EDIL3: variants seen among roughly 807,000 people sequenced by gnomAD.
EDIL3 encodes EGF-like repeat and discoidin I-like domain-containing protein 3.
EDIL3 carries 37 observed loss-of-function variants against 67.4 expected under a neutral mutation model. The observed-to-expected ratio is 0.55, with a 90% CI of 0.42 to 0.72. EDIL3 has a LOEUF of 0.72. Among genes scored for constraint, EDIL3 ranks in the 30% least tolerant of loss-of-function variants. The pLI is 0.00. For missense variants in EDIL3, 527 were observed against 586.3 expected (o/e 0.90, Z 1.04); for synonymous variants, 195 against 196.3 (o/e 0.99, Z 0.05).
chr5:84,093,242 A>G (rs997555316), intron 6 of EDIL3, among the ~76,000 whole-genome samples: 1 of 149,914 alleles, frequency 6.7e-6, no homozygotes, highest in African/African-American at 2.5e-5. Flanking sequence ...ACTGACATCT[A>G]TTTAACATAG....
At chr5:84,064,995 G>T (rs530960608) in intron 7 of EDIL3, 151 bp from the exon 8 acceptor site, 1 of 1,003,092 alleles carries the variant, frequency 1.0e-6, no homozygotes, top group Non-Finnish European at 1.4e-6. Flanking sequence ...GCCTTGCCAT[G>T]AGCACTGAAT....
intron 1 of EDIL3, among the ~76,000 whole-genome samples, chr5:84,381,731 T>A (rs305660): frequency 0.011 from 1,661 of 152,336 alleles, 35 homozygotes; most frequent in African/African-American, 0.038. Context: ...GCATAAGATG[T>A]CACGTGCTTG....
At chr5:84,274,670 T>C (rs182044995) in intron 1 of EDIL3, among the ~76,000 whole-genome samples, 10 of 152,182 alleles carry the variant, frequency 6.6e-5, no homozygotes, top group African/African-American at 2.4e-4. Flanking sequence ...TAAATGGACA[T>C]AGAAAAAATT....
At chr5:84,145,075 C>T (rs1180266445) in intron 4 of EDIL3, among the ~76,000 whole-genome samples, 1 of 152,088 alleles carries the variant, frequency 6.6e-6, no homozygotes, top group Non-Finnish European at 1.5e-5. Context: ...GAAGCAGCTC[C>T]TGTTCTAAGA....
At chr5:84,036,470 G>A (rs111438753) in intron 9 of EDIL3, among the ~76,000 whole-genome samples, 1,667 of 152,222 alleles carry the variant, frequency 0.011, 13 homozygotes, top group Middle Eastern at 0.037. Context: ...TCTTTTGCCC[G>A]AGGGCTTACA....
intron 9 of EDIL3, among the ~76,000 whole-genome samples, chr5:84,020,638 C>A (rs571100028): frequency 6.6e-6 from 1 of 152,104 alleles, no homozygotes; most frequent in South Asian, 2.1e-4. Context: ...CACACATACA[C>A]ACTTTGGTAT....
At chr5:84,360,861 T>C (rs1028395692) in intron 1 of EDIL3, among the ~76,000 whole-genome samples, 4 of 152,152 alleles carry the variant, frequency 2.6e-5, no homozygotes, top group Admixed American at 6.5e-5. Flanking sequence ...TTTCCAATAA[T>C]CCAAGCAAGT....
chr5:84,001,387 AT>A (rs1292754387), intron 9 of EDIL3, among the ~76,000 whole-genome samples: 1 of 152,192 alleles, frequency 6.6e-6, no homozygotes, highest in Non-Finnish European at 1.5e-5. Context: ...CAACCTAAAA[AT>A]GCTTTCTAAA....
At chr5:83,946,009 A>G (rs951681506) in intron 10 of EDIL3, among the ~76,000 whole-genome samples, 2 of 151,940 alleles carry the variant, frequency 1.3e-5, no homozygotes, top group Non-Finnish European at 2.9e-5. Flanking sequence ...TTCTTATCTC[A>G]AGCACTAGGA....
chr5:84,356,219 T>G (rs1393129849), intron 1 of EDIL3, among the ~76,000 whole-genome samples: 3 of 152,224 alleles, frequency 2.0e-5, no homozygotes, highest in African/African-American at 7.2e-5. Flanking sequence ...CCACCACTAT[T>G]ATGTCTTTTA....
At chr5:84,378,592 T>A (rs1339349339) in intron 1 of EDIL3, among the ~76,000 whole-genome samples, 1 of 152,342 alleles carries the variant, frequency 6.6e-6, no homozygotes, top group South Asian at 2.1e-4. Flanking sequence ...AGCTTTTCTA[T>A]GATACATGAT....
intron 4 of EDIL3, among the ~76,000 whole-genome samples, chr5:84,166,147 T>C (rs546950346): frequency 2.0e-5 from 3 of 152,298 alleles, no homozygotes; most frequent in South Asian, 2.1e-4. Context: ...GCAATCTTTA[T>C]ATACTACATG....
intron 1 of EDIL3, among the ~76,000 whole-genome samples, chr5:84,371,446 T>TAGAGAGAGAGAG (rs1332566516): frequency 6.9e-5 from 6 of 87,114 alleles, no homozygotes; most frequent in Non-Finnish European, 1.3e-4. Flanking sequence ...TATATATATA[T>TAGAGAGAGAGAG]ATATAGAGAG....
chr5:84,009,546 C>T (rs951132646), intron 9 of EDIL3, among the ~76,000 whole-genome samples: 2 of 152,156 alleles, frequency 1.3e-5, no homozygotes, highest in East Asian at 3.9e-4. Context: ...CACGTGCTAA[C>T]ATTATTGTCA....
At chr5:84,058,695 A>G (rs1746491072) in intron 9 of EDIL3, among the ~76,000 whole-genome samples, 1 of 152,182 alleles carries the variant, frequency 6.6e-6, no homozygotes, top group African/African-American at 2.4e-5. Flanking sequence ...GGAGGAAAAT[A>G]GAAAATGGTG....
rs183557219 is a variant in EDIL3 at position 84,113,670 on chromosome 5, G to A, written c.470-6840C>T. Among the ~76,000 whole-genome samples, 230 of 152,256 alleles carry A rather than the reference G, an allele frequency of 1.5e-3. 1 individual carries two copies. The highest frequency in any genetic ancestry group is 4.2e-3 in the African/African-American group (175 of 41,540). On this transcript the variant is annotated intron_variant, in intron 5 of 10. Coordinates refer to ENST00000296591, the MANE Select transcript of EDIL3 (RefSeq NM_005711.5). ...AGTAAGCAGTGCCTCAAGATGTCTC[G>A]CATCTTGTTCCTGAGTGTGCTGATT...
At chr5:83,984,916 C>T (rs1175754252) in intron 9 of EDIL3, among the ~76,000 whole-genome samples, 3 of 149,506 alleles carry the variant, frequency 2.0e-5, no homozygotes, top group Non-Finnish European at 3.0e-5. Flanking sequence ...GCCAGGTATG[C>T]TACATGCATG....
intron 1 of EDIL3, among the ~76,000 whole-genome samples, chr5:84,356,034 T>C (rs1189368362): frequency 2.0e-5 from 3 of 152,212 alleles, no homozygotes; most frequent in African/African-American, 4.8e-5. Flanking sequence ...TCAGAGCAGA[T>C]GGCCGATTTA....
chr5:83,957,595 G>A (rs111557402), intron 10 of EDIL3, among the ~76,000 whole-genome samples: 32 of 151,788 alleles, frequency 2.1e-4, no homozygotes, highest in African/African-American at 7.2e-4. Flanking sequence ...AATGGGGACT[G>A]ATGATATTGC....
Sources: gnomAD v4.1 joint callset for allele counts (sites outside exome capture counted in the v4.1 genomes callset) on GRCh38, gnomAD v4.1.1 for gene constraint, MANE v1.5 for transcripts, NCBI Gene and HGNC (gene_info 2026-07-23, HGNC 2026-07-21) for gene names.